SEC63: variants seen among roughly 807,000 people sequenced by gnomAD.
SEC63 encodes the protein translocation protein SEC63 homolog.
SEC63 carries 56 observed loss-of-function variants against 116.2 expected under a neutral mutation model. That is an observed-to-expected ratio of 0.48 (90% CI 0.39 to 0.60). The LOEUF (loss-of-function observed/expected upper bound fraction) is 0.60, where lower values mean the gene tolerates loss of function less well. SEC63 is among the 20% of genes least tolerant of loss of function. The pLI is 0.00. For missense variants in SEC63, 668 were observed against 900.0 expected (o/e 0.74, Z 3.30); for synonymous variants, 273 against 294.6 (o/e 0.93, Z 0.75).
At chr6:107,909,317 G>A (rs1336866506) in intron 7 of SEC63, among the ~76,000 whole-genome samples, 1 of 151,188 alleles carries the variant, frequency 6.6e-6, no homozygotes. Flanking sequence ...GGTCAGGGCT[G>A]CAGTAGCCAT....
chr6:107,904,923 T>G (rs991981080), intron 10 of SEC63, among the ~76,000 whole-genome samples: 23 of 152,204 alleles, frequency 1.5e-4, no homozygotes, highest in African/African-American at 5.5e-4. Flanking sequence ...AGATTAGACG[T>G]TTCAAAGACA....
chr6:107,913,244 T>C, intron 5 of SEC63, 122 bp downstream of exon 5: 1 of 728,034 alleles, frequency 1.4e-6, no homozygotes, highest in South Asian at 1.7e-5. Context: ...GCTCAATTTA[T>C]CTATGTTAAA....
At chr6:107,905,249 CT>C (rs1206710111) in intron 10 of SEC63, among the ~76,000 whole-genome samples, 1 of 152,194 alleles carries the variant, frequency 6.6e-6, no homozygotes, top group Non-Finnish European at 1.5e-5. Flanking sequence ...AATGGAGATG[CT>C]TATGTATCTG....
intron 16 of SEC63, 31 bp downstream of exon 16, chr6:107,893,448 TTAA>T: frequency 6.3e-7 from 1 of 1,590,290 alleles, no homozygotes. Flanking sequence ...ATATTTTAGC[TTAA>T]TAATGATAAT....
chr6:107,943,530 T>C (rs1174852588), intron 1 of SEC63, among the ~76,000 whole-genome samples: 1 of 152,160 alleles, frequency 6.6e-6, no homozygotes, highest in Non-Finnish European at 1.5e-5. Flanking sequence ...AAAATCCACG[T>C]ATAAGTGGAC....
chr6:107,953,502 G>T (rs1271517054), intron 1 of SEC63, among the ~76,000 whole-genome samples: 1 of 135,620 alleles, frequency 7.4e-6, no homozygotes, highest in Non-Finnish European at 1.6e-5. Context: ...CCGGCCAGCC[G>T]CCCCGTCCGG....
intron 16 of SEC63, among the ~76,000 whole-genome samples, chr6:107,886,607 G>GTGA (rs893555602): frequency 6.6e-6 from 1 of 152,194 alleles, no homozygotes; most frequent in African/African-American, 2.4e-5. Flanking sequence ...CTAATGACCA[G>GTGA]TGATGATGAG....
At chr6:107,912,110 G>C (rs899179026) in intron 6 of SEC63, among the ~76,000 whole-genome samples, 6 of 152,152 alleles carry the variant, frequency 3.9e-5, no homozygotes, top group Non-Finnish European at 7.4e-5. Flanking sequence ...AGACTATGTG[G>C]ATTTTGTTTT....
chr6:107,877,247 G>T (rs1251963786), intron 18 of SEC63: 1 of 152,308 alleles, frequency 6.6e-6, no homozygotes. Context: ...CCTGTTTTAA[G>T]AGTTGGGTAG....
intron 1 of SEC63, among the ~76,000 whole-genome samples, chr6:107,951,326 C>T (rs953838229): frequency 7.2e-5 from 11 of 152,174 alleles, no homozygotes; most frequent in Admixed American, 7.2e-4. Flanking sequence ...CTATGATAAA[C>T]TGATTGTAAA....
intron 18 of SEC63, among the ~76,000 whole-genome samples, chr6:107,879,724 CTT>C (rs67569380): frequency 0.74 from 94,129 of 126,772 alleles, 34,126 homozygotes; most frequent in South Asian, 0.86. Flanking sequence ...TGATTTTTAT[CTT>C]TTTTTTTTTT....
At chr6:107,949,802 T>G (rs1009399169) in intron 1 of SEC63, among the ~76,000 whole-genome samples, 41 of 152,246 alleles carry the variant, frequency 2.7e-4, no homozygotes, top group East Asian at 7.7e-4. Context: ...GCTAATATTT[T>G]TTTGTTTGTT....
Position 107,906,693 on chromosome 6 carries a change from A to G in SEC63, c.818T>C (p.Leu273Pro). The G allele has an allele frequency of 6.2e-7, 1 of 1,613,580 alleles. No homozygotes were observed. The highest frequency in any genetic ancestry group is 8.5e-7 in the Non-Finnish European group (1 of 1,179,494). ...GGAAATTAGCCTAACCTGTGGTATTAGAATATTATCCGTTGGTCTGCTTGT... is the reference window on the plus strand; with the variant it reads ...GGAAATTAGCCTAACCTGTGGTATTGGAATATTATCCGTTGGTCTGCTTGT... ...DATSRPTDNI[L>P]IPQLIREIGS... is the part of the protein sequence containing the mutation. Residue 273 changes from leucine (L) to proline (P), a missense_variant, in exon 9 of 21, where the codon CTA becomes CCA. This residue lies in a region of SEC63 where 430 missense variants were observed against 557.5 expected (regional missense o/e 0.77). Transcript: ENST00000369002.
intron 1 of SEC63, among the ~76,000 whole-genome samples, chr6:107,937,754 T>C (rs1285273818): frequency 3.9e-5 from 6 of 152,170 alleles, no homozygotes; most frequent in Admixed American, 1.3e-4. Context: ...TGAGATGATC[T>C]CTCACTGTGG....
Position 107,892,246 on chromosome 6 carries a change from C to T in SEC63, c.1674+1236G>A, listed in dbSNP as rs138375594. Among the ~76,000 whole-genome samples the T allele has an allele frequency of 7.2e-5, 11 of 152,132 alleles. No homozygotes were observed. In the East Asian group the frequency reaches 1.5e-3, roughly 21 times the overall value. On this transcript the variant is annotated intron_variant, in intron 16 of 20. Coordinates refer to ENST00000369002, the MANE Select transcript of SEC63 (RefSeq NM_007214.5). ...CTGCCTTTTTTTCAGAGATGCCCTGCCCAGAGAGGAGGCAGTCTGGCCGCA... is the reference window on the plus strand; with the variant it reads ...CTGCCTTTTTTTCAGAGATGCCCTGTCCAGAGAGGAGGCAGTCTGGCCGCA...
At chr6:107,907,299 T>C (rs993090918) in intron 8 of SEC63, among the ~76,000 whole-genome samples, 5 of 152,222 alleles carry the variant, frequency 3.3e-5, no homozygotes, top group Non-Finnish European at 7.3e-5. Context: ...AGGCCAGTGG[T>C]GGCTCACGCC....
intron 6 of SEC63, 86 bp from the exon 7 acceptor site, chr6:107,911,482 G>A: frequency 1.2e-6 from 1 of 863,938 alleles, no homozygotes; most frequent in Non-Finnish European, 2.0e-6. Flanking sequence ...TTACAATGGG[G>A]GAGCCACTAT....
chr6:107,890,292 T>C (rs1786650077), intron 16 of SEC63, among the ~76,000 whole-genome samples: 1 of 152,234 alleles, frequency 6.6e-6, no homozygotes, highest in African/African-American at 2.4e-5. Context: ...TTAGCTCTTC[T>C]TGTTGCATTG....
chr6:107,884,780 T>A (rs531639461), intron 16 of SEC63, among the ~76,000 whole-genome samples: 6 of 152,050 alleles, frequency 3.9e-5, no homozygotes, highest in Non-Finnish European at 8.8e-5. Flanking sequence ...TAAAAATAGA[T>A]GTGAGAATCC....
Sources: allele counts gnomAD v4.1 joint callset (sites outside exome capture counted in the v4.1 genomes callset), GRCh38; gene constraint gnomAD v4.1.1; regional missense constraint gnomAD v4.1.1; transcripts MANE v1.5; gene names NCBI Gene and HGNC (gene_info 2026-07-23, HGNC 2026-07-21).